The following SEMA4D variants were observed in gnomAD, a reference collection of about 807,000 sequenced individuals.
SEMA4D encodes the protein semaphorin 4D.
In SEMA4D, 22 loss-of-function variants were observed where a neutral mutation model predicts 74.8. The observed-to-expected ratio is 0.29, with a 90% CI of 0.21 to 0.42. The LOEUF is 0.42. Ranked by LOEUF, SEMA4D falls within the 10% of genes least tolerant of loss-of-function variation. The pLI is 1.00. For synonymous variants in SEMA4D, 445 were observed against 463.7 expected (o/e 0.96, Z 0.52); for missense variants, 937 against 1,118.4 (o/e 0.84, Z 2.31).
At chr9:89,438,917 G>A (rs1420928525) in intron 2 of SEMA4D, among the ~76,000 whole-genome samples, 5 of 140,652 alleles carry the variant, frequency 3.6e-5, no homozygotes, top group Admixed American at 7.6e-5. Flanking sequence ...CACCCGCCTC[G>A]GCCTCCCAAA....
intron 2 of SEMA4D, chr9:89,418,011 A>G (rs1433168966): frequency 1.4e-5 from 12 of 864,096 alleles, no homozygotes; most frequent in Non-Finnish European, 1.7e-5. Flanking sequence ...CACATTATCA[A>G]CTCTGCTCAA....
chr9:89,390,501 G>A (rs1261815411), intron 9 of SEMA4D, among the ~76,000 whole-genome samples: 2 of 152,322 alleles, frequency 1.3e-5, no homozygotes, highest in African/African-American at 4.8e-5. Context: ...GCTGTTAAGG[G>A]AACGGTGTCA....
chr9:89,467,135 G>A (rs536462176), intron 1 of SEMA4D, among the ~76,000 whole-genome samples: 11 of 152,320 alleles, frequency 7.2e-5, no homozygotes, highest in East Asian at 1.9e-4. Flanking sequence ...GTCCCAGCTC[G>A]TGTATCATGC....
intron 18 of SEMA4D, among the ~76,000 whole-genome samples, chr9:89,362,684 C>T (rs923129596): frequency 6.6e-6 from 1 of 152,240 alleles, no homozygotes; most frequent in African/African-American, 2.4e-5. Flanking sequence ...GAGAGGGAGC[C>T]TGTGTGTGCT....
intron 2 of SEMA4D, among the ~76,000 whole-genome samples, chr9:89,420,359 A>C (rs1846647528): frequency 6.6e-6 from 1 of 152,212 alleles, no homozygotes; most frequent in Non-Finnish European, 1.5e-5. Flanking sequence ...GTAATTACTC[A>C]TCATGCTGTT....
Position 89,391,378 on chromosome 9 carries a change from G to A in SEMA4D, c.660C>T (p.Ser220=). The change falls in exon 9 of 16, where the codon AGC becomes AGT. Residue 220 remains serine, a synonymous_variant. Transcript: ENST00000422704. ...CATCCTCGCCGTCGGGGCTGTCTGGGCTTTTTCGGATCACGTCAGCAAACA... is the reference window on the plus strand; with the variant it reads ...CATCCTCGCCGTCGGGGCTGTCTGGACTTTTTCGGATCACGTCAGCAAACA... ...SFVFADVIRK[S]PDSPDGEDDR... is the part of the protein sequence containing the mutation. 6.2e-7 allele frequency: 1 copy of A among 1,614,252 alleles called. No homozygotes were observed.
intron 1 of SEMA4D, among the ~76,000 whole-genome samples, chr9:89,465,713 T>C (rs867123818): frequency 2.5e-4 from 38 of 152,358 alleles, no homozygotes; most frequent in Admixed American, 4.6e-4. Flanking sequence ...GGGGAGTCAA[T>C]TGTCTCTCCA....
At chr9:89,380,882 G>A (rs1292095875) in intron 15 of SEMA4D, among the ~76,000 whole-genome samples, 173 bp downstream of exon 15, 2 of 152,210 alleles carry the variant, frequency 1.3e-5, no homozygotes, top group Admixed American at 6.5e-5. Context: ...GTACTCTTTC[G>A]GCAAGAAAAA....
rs564488252 is a variant in SEMA4D, at chr9:89,470,982, C to A, written c.-309-15029G>T. On this transcript the variant is annotated intron_variant, in intron 1 of 15. Transcript: ENST00000422704. ...ACTGTGGTCGTGGTTACACCATCTG[C>A]ACATGTCTTAAAACTCACAGAAATG... Among the ~76,000 whole-genome samples the A allele has an allele frequency of 2.6e-5, 4 of 152,276 alleles. No individual in the cohort carries two copies. In the East Asian group the frequency reaches 5.8e-4, roughly 22 times the overall value.
chr9:89,401,448 A>G (rs376452278), intron 4 of SEMA4D, among the ~76,000 whole-genome samples: 2 of 152,306 alleles, frequency 1.3e-5, no homozygotes, highest in African/African-American at 2.4e-5. Context: ...TGAAAACAAA[A>G]AGAGATCTGG....
intron 12 of SEMA4D, chr9:89,387,153 G>A: frequency 1.9e-6 from 1 of 515,824 alleles, no homozygotes; most frequent in Non-Finnish European, 3.4e-6. Flanking sequence ...CACAGGCCAG[G>A]ACTTGCATTT....
At chr9:89,403,038 T>G (rs1416788555) in intron 3 of SEMA4D, 22 bp from the exon 4 acceptor site, 1 of 1,595,860 alleles carries the variant, frequency 6.3e-7, no homozygotes, top group East Asian at 2.3e-5. Flanking sequence ...AAGGGCAGGG[T>G]CAGAGTGGGA....
intron 3 of SEMA4D, among the ~76,000 whole-genome samples, chr9:89,404,360 C>G (rs1489035486): frequency 6.6e-6 from 1 of 152,154 alleles, no homozygotes; most frequent in Non-Finnish European, 1.5e-5. Context: ...TCCCCAGATT[C>G]AGAAACCAAA....
At chr9:89,408,961 G>A (rs531569987) in intron 2 of SEMA4D, among the ~76,000 whole-genome samples, 14 of 152,342 alleles carry the variant, frequency 9.2e-5, no homozygotes, top group Middle Eastern at 3.4e-3. Context: ...GGGAGAAGGC[G>A]CTCTGAAGAC....
rs780825397 is a variant in SEMA4D at position 89,363,494 on chromosome 9, A to C, written c.2126T>G (p.Leu709Arg). 21 of 1,613,940 alleles carry C rather than the reference A, an allele frequency of 1.3e-5. No homozygotes were observed. The South Asian group carries it at 2.3e-4, about 18-fold the overall frequency. ...CCCAGCCACAGCCCTCCAGGCAGAG[A>C]GCTCTCTGGTCCACCTCTCCTGGTG... The change falls in exon 18 of 19, where the codon CTC (leucine) becomes CGC (arginine). Residue 709 changes from leucine to arginine, a missense_variant. Coordinates refer to the SEMA4D transcript ENST00000339861.
intron 1 of SEMA4D, among the ~76,000 whole-genome samples, chr9:89,485,105 A>G (rs572139140): frequency 1.3e-3 from 203 of 152,306 alleles, no homozygotes; most frequent in African/African-American, 4.7e-3. Flanking sequence ...AATGTAGACA[A>G]GCACCAAGGA....
chr9:89,394,913 A>C (rs1840609041), intron 6 of SEMA4D, among the ~76,000 whole-genome samples: 1 of 152,172 alleles, frequency 6.6e-6, no homozygotes, highest in South Asian at 2.1e-4. Context: ...TTACATAGGA[A>C]AATGTTACTA....
At chr9:89,376,762 C>A, downstream of SEMA4D, 1 of 1,496,856 alleles carries the variant, frequency 6.7e-7, no homozygotes. Context: ...TGGAGGATGC[C>A]CCCGCCCGCC....
At chr9:89,450,805 C>T (rs561149856) in intron 2 of SEMA4D, 15 of 777,604 alleles carry the variant, frequency 1.9e-5, no homozygotes, top group Non-Finnish European at 3.1e-5. Flanking sequence ...CCCTTCCCAC[C>T]ACACCCTAGA....
Sources: gnomAD v4.1 joint callset for allele counts (sites outside exome capture counted in the v4.1 genomes callset) on GRCh38, gnomAD v4.1.1 for gene constraint, MANE v1.5 for transcripts, NCBI Gene and HGNC (gene_info 2026-07-23, HGNC 2026-07-21) for gene names.